The following ZFAT variants were observed in gnomAD, a reference collection of about 807,000 sequenced individuals.
The protein encoded by ZFAT is zinc finger protein ZFAT.
Under a neutral mutation model 117.7 loss-of-function variants are expected in ZFAT, and 64 were observed. That is an observed-to-expected ratio of 0.54 (90% CI 0.44 to 0.67). The LOEUF is 0.67. ZFAT is among the 30% of genes least tolerant of loss of function. The pLI is 0.00. For synonymous variants in ZFAT, 679 were observed against 615.0 expected, an observed-to-expected ratio of 1.10 and a Z score of -1.54; for missense variants, 1,433 against 1,584.5, an observed-to-expected ratio of 0.90 and a Z score of 1.62.
At chr8:134,817,666 T>A in the ZFAT span, among the ~76,000 whole-genome samples, 4 of 152,046 alleles carry the variant, frequency 2.6e-5, no homozygotes, top group Admixed American at 2.0e-4. Flanking sequence ...AATCAAAACG[T>A]CAAGCAAGCT....
intron 10 of ZFAT, among the ~76,000 whole-genome samples, chr8:134,576,253 T>C (rs1825290159): frequency 6.6e-6 from 1 of 152,208 alleles, no homozygotes; most frequent in South Asian, 2.1e-4. Context: ...GGCCCACTTA[T>C]TCCCAGTGGA....
intron 12 of ZFAT, among the ~76,000 whole-genome samples, chr8:134,522,616 C>T (rs1427178579): frequency 2.0e-5 from 3 of 152,176 alleles, no homozygotes; most frequent in African/African-American, 4.8e-5. Context: ...AAGCCCTCCA[C>T]GTCCTCAGCT....
At chr8:134,640,016 A>G in intron 2 of ZFAT, 1 of 343,718 alleles carries the variant, frequency 2.9e-6, no homozygotes. Flanking sequence ...CTGATGTCCT[A>G]TGTTGTAGTT....
chr8:134,478,425 T>A lies in ZFAT; in HGVS notation c.*57A>T. 6.5e-7 allele frequency: 1 copy of A among 1,527,944 alleles called. No homozygotes were observed. Among genetic ancestry groups the A allele is most frequent in the Non-Finnish European group, 8.8e-7 (1 of 1,134,326 alleles). The allele number at this position is 1,527,944 out of a possible 1,614,324, so 94.6% of individuals were successfully genotyped here. A position where few individuals can be genotyped will look rare whatever the true frequency, so the allele number is the denominator to read the frequency against. ...GGCAGGAAGGGTGGCCTCCCCACCC[T>A]GGGTGCCTGCAGAGCCTGGCAGCCC... is the stretch of plus-strand genomic sequence containing the variant. On this transcript the variant is annotated 3_prime_UTR_variant, in exon 16 of 16. Transcript: ENST00000377838. This position sits in a 1 kb window ranked among gnomAD's most constrained non-coding sequence, Gnocchi z 5.2.
At chr8:134,523,274 G>A (rs889934087) in intron 12 of ZFAT, among the ~76,000 whole-genome samples, 31 of 152,182 alleles carry the variant, frequency 2.0e-4, no homozygotes, top group African/African-American at 6.5e-4. Flanking sequence ...GCCTAGGCTC[G>A]GTATCCAGAC....
upstream of ZFAT, among the ~76,000 whole-genome samples, chr8:134,714,267 G>A (rs56277619): frequency 0.11 from 16,115 of 152,030 alleles, 1,073 homozygotes; most frequent in Non-Finnish European, 0.16. Context: ...TGAAATTCTC[G>A]GACAGCCCTG....
rs368478660 is a variant in ZFAT at position 134,709,373 on chromosome 8, T to A, written c.19+3472A>T. ...GGCAGGACTGTGTCTCCTTTGCCGG[T>A]GAAGGGACTGGGGTCCCAAGGGTTC... On this transcript the variant is annotated intron_variant, in intron 1 of 15. Coordinates refer to ENST00000377838, the MANE Select transcript of ZFAT (RefSeq NM_020863.4). 4.5e-4 allele frequency among the ~76,000 whole-genome samples: 69 copies of A among 152,314 alleles called. 1 individual carries two copies. Among genetic ancestry groups the A allele is most frequent in the Middle Eastern group, 3.4e-3 (1 of 294 alleles).
intron 11 of ZFAT, among the ~76,000 whole-genome samples, chr8:134,538,796 C>CAAAA (rs35209102): frequency 1.2e-4 from 13 of 105,098 alleles, no homozygotes; most frequent in African/African-American, 3.8e-4. Flanking sequence ...GACCCTGTCA[C>CAAAA]AAAAAAAAAA....
rs1386532400 is a variant in ZFAT at position 134,576,535 on chromosome 8, G to A, written c.2887+7297C>T. Among the ~76,000 whole-genome samples, 3 of 152,300 alleles carry A rather than the reference G, an allele frequency of 2.0e-5. No homozygotes were observed. The South Asian group carries it at 6.2e-4, about 32-fold the overall frequency. ...GAAAGACCAGTCTCACTGAAGTCTCGCAAGTTAACCTTGTAAGATCAATCC... is the reference window on the plus strand; with the variant it reads ...GAAAGACCAGTCTCACTGAAGTCTCACAAGTTAACCTTGTAAGATCAATCC... On this transcript the variant is annotated intron_variant, in intron 10 of 15. Transcript: ENST00000377838.
At chr8:134,519,371 C>T (rs1266235130) in intron 13 of ZFAT, among the ~76,000 whole-genome samples, 1 of 152,044 alleles carries the variant, frequency 6.6e-6, no homozygotes, top group Non-Finnish European at 1.5e-5. Flanking sequence ...CTAGATTTAT[C>T]TTGGTTTTGT....
intron 15 of ZFAT, among the ~76,000 whole-genome samples, chr8:134,480,005 G>C (rs1386809395): frequency 2.7e-5 from 4 of 146,128 alleles, no homozygotes; most frequent in Non-Finnish European, 5.9e-5. Context: ...CCAAGCTGGA[G>C]TGCAGTGGTG....
At chr8:134,639,135 G>A (rs1464893123) in intron 2 of ZFAT, among the ~76,000 whole-genome samples, 1 of 152,228 alleles carries the variant, frequency 6.6e-6, no homozygotes, top group African/African-American at 2.4e-5. Context: ...AAATCAGAGA[G>A]GGAGGCCACA....
At chr8:134,562,346 T>C (rs1405562028) in intron 11 of ZFAT, among the ~76,000 whole-genome samples, 1 of 152,202 alleles carries the variant, frequency 6.6e-6, no homozygotes, top group Admixed American at 6.5e-5. Context: ...ATCTGAACTA[T>C]TTTAAGCCAC....
chr8:134,523,760 T>C (rs146157624), intron 12 of ZFAT, among the ~76,000 whole-genome samples: 308 of 152,302 alleles, frequency 2.0e-3, no homozygotes, highest in African/African-American at 7.1e-3. Flanking sequence ...CTGTGCCTCC[T>C]GGTTCACAAA....
the ZFAT span, among the ~76,000 whole-genome samples, chr8:134,740,150 T>G: frequency 4.6e-5 from 7 of 151,958 alleles, no homozygotes; most frequent in Non-Finnish European, 8.8e-5. Flanking sequence ...CCCAATAAAC[T>G]CCTAACACTC....
chr8:134,635,753 T>A (rs571478149), intron 3 of ZFAT, among the ~76,000 whole-genome samples: 5 of 152,066 alleles, frequency 3.3e-5, no homozygotes, highest in Non-Finnish European at 7.4e-5. Flanking sequence ...TCACTGGAAA[T>A]CAGAGCTTCG....
At chr8:134,536,142 A>T (rs565370597) in intron 11 of ZFAT, among the ~76,000 whole-genome samples, 6 of 152,202 alleles carry the variant, frequency 3.9e-5, no homozygotes, top group Non-Finnish European at 7.3e-5. Flanking sequence ...ATGTAAGCAT[A>T]TTGGCAAAAA....
At chr8:134,744,727 C>CATTTTTTTT in the ZFAT span, among the ~76,000 whole-genome samples, 1 of 103,518 alleles carries the variant, frequency 9.7e-6, no homozygotes, top group African/African-American at 3.8e-5. Flanking sequence ...GCCTACTCTC[C>CATTTTTTTT]TTTTTTTTTT....
intron 1 of ZFAT, among the ~76,000 whole-genome samples, chr8:134,693,164 T>C (rs544287480): frequency 6.9e-4 from 105 of 152,174 alleles, no homozygotes; most frequent in Non-Finnish European, 1.3e-3. Context: ...CAGATCTCCG[T>C]TTCTAAATGC....
Sources: allele counts gnomAD v4.1 joint callset (sites outside exome capture counted in the v4.1 genomes callset), GRCh38; gene constraint gnomAD v4.1.1; non-coding constraint Gnocchi (gnomAD v3.1); transcripts MANE v1.5; gene names NCBI Gene and HGNC (gene_info 2026-07-23, HGNC 2026-07-21).